The following SV2C variants were observed in gnomAD, a reference collection of about 807,000 sequenced individuals.
The protein encoded by SV2C is synaptic vesicle glycoprotein 2C, also known as solute carrier family 22 member B3.
Under a neutral mutation model 79.7 loss-of-function variants are expected in SV2C, and 49 were observed. The ratio of observed to expected loss-of-function variants is 0.61; its 90% confidence interval spans 0.49 to 0.78. The LOEUF (loss-of-function observed/expected upper bound fraction) is 0.78. Among genes scored for constraint, SV2C ranks in the 30% least tolerant of loss-of-function variants. SV2C has a pLI of 0.00. For missense variants in SV2C, 833 were observed against 912.9 expected, an observed-to-expected ratio of 0.91 and a Z score of 1.13; for synonymous variants, 334 against 333.2, an observed-to-expected ratio of 1.00 and a Z score of -0.03.
At chr5:76,265,231 C>T (rs1746614188) in intron 4 of SV2C, among the ~76,000 whole-genome samples, 4 of 152,222 alleles carry the variant, frequency 2.6e-5, no homozygotes, top group African/African-American at 7.2e-5. Context: ...TCTGAACTTC[C>T]AGGCCTCCTT....
the SV2C span, among the ~76,000 whole-genome samples, chr5:75,961,651 T>G: frequency 2.0e-5 from 3 of 151,976 alleles, no homozygotes; most frequent in Admixed American, 6.6e-5. Context: ...TACATACCAT[T>G]TAATATTTTT....
intron 2 of SV2C, among the ~76,000 whole-genome samples, chr5:76,176,014 T>C (rs966591353): frequency 2.6e-5 from 4 of 152,172 alleles, no homozygotes; most frequent in Non-Finnish European, 5.9e-5. Context: ...CCTTCCACAC[T>C]GCTCTGCTTA....
chr5:75,851,729 C>G, the SV2C span, among the ~76,000 whole-genome samples: 1 of 152,234 alleles, frequency 6.6e-6, no homozygotes, highest in Non-Finnish European at 1.5e-5. Context: ...CAAGCTCCCC[C>G]TCCCGGGTTC....
At position 76,303,640 on chromosome 5, in the gene SV2C, T is replaced by TA. The variant is rs922778032; in HGVS notation, c.2000+2105dup. On this transcript the variant is annotated intron_variant, in intron 12 of 12. Coordinates refer to ENST00000502798, the MANE Select transcript of SV2C (RefSeq NM_014979.4). ...ATTCACCTAGGACAAAAATCTGGCTTAAAAAAAAAAGACCCTCATAAATTG... is the reference window on the plus strand; with the variant it reads ...ATTCACCTAGGACAAAAATCTGGCTTAAAAAAAAAAAGACCCTCATAAATTG... Among the ~76,000 whole-genome samples the TA allele has an allele frequency of 1.9e-3, 283 of 148,148 alleles. 3 individuals are homozygous for TA. Among genetic ancestry groups the TA allele is most frequent in the South Asian group, 6.9e-3 (32 of 4,658 alleles).
At chr5:76,290,691 C>T (rs111374046) in intron 6 of SV2C, among the ~76,000 whole-genome samples, 2,023 of 152,214 alleles carry the variant, frequency 0.013, 55 homozygotes, top group African/African-American at 0.046. Flanking sequence ...ATCATGGCTA[C>T]CTGTGGGTAT....
At chr5:76,296,782 T>G (rs938162763) in intron 9 of SV2C, among the ~76,000 whole-genome samples, 4 of 152,192 alleles carry the variant, frequency 2.6e-5, no homozygotes, top group African/African-American at 9.7e-5. Flanking sequence ...ATGATCTATG[T>G]AATGGAAAAG....
At chr5:76,340,688 G>A (rs929568592) in intron 12 of SV2C, among the ~76,000 whole-genome samples, 1 of 152,166 alleles carries the variant, frequency 6.6e-6, no homozygotes, top group Non-Finnish European at 1.5e-5. Context: ...GAAAAGCAAG[G>A]CAGAATGGAA....
rs1201595602 is a variant in SV2C at position 76,330,651 on chromosome 5, T to C, written c.*5104T>C. ...TGCAGGAACTATTCAGTCATTGAGA[T>C]AACCTTTGATGAGAGGAGAAAGCTC... On this transcript the variant is annotated 3_prime_UTR_variant, in exon 13 of 13. Coordinates refer to ENST00000502798, the MANE Select transcript of SV2C (RefSeq NM_014979.4). The C allele has an allele frequency of 6.6e-6, 1 of 151,566 alleles. No homozygotes were observed. Among genetic ancestry groups the C allele is most frequent in the Non-Finnish European group, 1.5e-5 (1 of 67,980 alleles). The allele number at this position is 151,566 out of a possible 1,614,324, so 9.4% of individuals were successfully genotyped here.
chr5:76,233,872 G>A (rs1340441196), intron 4 of SV2C, among the ~76,000 whole-genome samples: 1 of 151,894 alleles, frequency 6.6e-6, no homozygotes, highest in Non-Finnish European at 1.5e-5. Context: ...TTGCATCAAT[G>A]TTCATCAAGG....
chr5:75,863,971 A>C, the SV2C span, among the ~76,000 whole-genome samples: 4 of 152,234 alleles, frequency 2.6e-5, no homozygotes, highest in Non-Finnish European at 4.4e-5. Context: ...TATTACATAA[A>C]GGAAGCAGGT....
rs780686289 is a variant in SV2C, at chr5:76,195,113, C to T, written c.761+14C>T. The T allele has an allele frequency of 1.2e-6, 2 of 1,609,594 alleles. No individual in the cohort carries two copies. Among genetic ancestry groups the T allele is most frequent in the Non-Finnish European group, 1.7e-6 (2 of 1,178,658 alleles). On this transcript the variant is annotated intron_variant, in intron 3 of 12. Transcript: ENST00000502798. ...TTCTGGATTCGGGTAAGGTTTTCTC[C>T]TTCATATTTTATAGTAATGTGTTTA...
the SV2C span, among the ~76,000 whole-genome samples, chr5:76,068,651 G>A: frequency 1.3e-5 from 2 of 152,096 alleles, no homozygotes; most frequent in East Asian, 3.9e-4. Context: ...AAAAGTTGAA[G>A]AAATAATTGT....
In SV2C at chr5:76,329,500, T is replaced by C. The variant is rs1227515738; in HGVS notation, c.*3953T>C. The C allele has an allele frequency of 6.6e-6, 1 of 151,430 alleles. No individual in the cohort carries two copies. Among genetic ancestry groups the C allele is most frequent in the Non-Finnish European group, 1.5e-5 (1 of 68,024 alleles). The allele number at this position is 151,430 out of a possible 1,614,324, so 9.4% of individuals were successfully genotyped here. A position where few individuals can be genotyped will look rare whatever the true frequency, so the allele number is the denominator to read the frequency against. On this transcript the variant is annotated 3_prime_UTR_variant, in exon 13 of 13. Transcript: ENST00000502798. Reference sequence around the variant, plus strand: ...CAGGTTTTCACCAAAAACTGCTTAGTTGTCTTTCAAGATACCTTAAGAGAT... The same window carrying C: ...CAGGTTTTCACCAAAAACTGCTTAGCTGTCTTTCAAGATACCTTAAGAGAT...
chr5:76,250,969 G>A (rs1746097070), intron 4 of SV2C, among the ~76,000 whole-genome samples: 1 of 152,110 alleles, frequency 6.6e-6, no homozygotes, highest in Non-Finnish European at 1.5e-5. Context: ...CTACCAGGTA[G>A]ACCCCACACC....
chr5:76,176,134 C>T (rs1287510729), intron 2 of SV2C, among the ~76,000 whole-genome samples: 1 of 152,152 alleles, frequency 6.6e-6, no homozygotes, highest in Non-Finnish European at 1.5e-5. Flanking sequence ...AACACACACA[C>T]AGGGAGCCAA....
intron 6 of SV2C, among the ~76,000 whole-genome samples, chr5:76,289,359 G>A (rs1453335136): frequency 2.0e-5 from 3 of 152,126 alleles, no homozygotes; most frequent in Admixed American, 2.0e-4. Context: ...CACACATGCA[G>A]GTTGAAGGAC....
the SV2C span, among the ~76,000 whole-genome samples, chr5:76,073,455 G>A: frequency 7.0e-6 from 1 of 142,220 alleles, no homozygotes; most frequent in East Asian, 2.0e-4. Flanking sequence ...CAGCCCAAAT[G>A]CCCATCAATC....
chr5:75,953,353 G>A, the SV2C span, among the ~76,000 whole-genome samples: 1 of 151,888 alleles, frequency 6.6e-6, no homozygotes, highest in Admixed American at 6.6e-5. Context: ...TGAAGTTTGG[G>A]GGAATGAACA....
At chr5:76,217,254 T>C (rs1483825388) in intron 4 of SV2C, among the ~76,000 whole-genome samples, 1 of 152,044 alleles carries the variant, frequency 6.6e-6, no homozygotes, top group African/African-American at 2.4e-5. Context: ...ATACATATAT[T>C]CCCAAGGTTG....
Sources: allele counts gnomAD v4.1 joint callset (sites outside exome capture counted in the v4.1 genomes callset), GRCh38; gene constraint gnomAD v4.1.1; transcripts MANE v1.5; gene names NCBI Gene and HGNC (gene_info 2026-07-23, HGNC 2026-07-21).